SOX5: variants seen among roughly 807,000 people sequenced by gnomAD.
SOX5 encodes transcription factor SOX-5.
Under a neutral mutation model 92.0 loss-of-function variants are expected in SOX5, and 9 were observed. The ratio of observed to expected loss-of-function variants is 0.10; its 90% CI spans 0.06 to 0.17. The LOEUF (loss-of-function observed/expected upper bound fraction) is 0.17, where lower values mean the gene tolerates loss of function less well. SOX5 is among the 10% of genes least tolerant of loss of function. The probability of loss-of-function intolerance (pLI) is 1.00; values close to 1 mark genes in which losing one functional copy is unlikely to be tolerated. For synonymous variants in SOX5, 344 were observed against 336.3 expected (o/e 1.02, Z -0.25); for missense variants, 642 against 944.5 (o/e 0.68, Z 4.20).
At chr12:24,228,940 T>C (rs1297882686) in intron 3 of SOX5, among the ~76,000 whole-genome samples, 1 of 152,184 alleles carries the variant, frequency 6.6e-6, no homozygotes, top group Admixed American at 6.5e-5. Context: ...AAATTAATGG[T>C]TAATCGAGCC....
chr12:23,950,977 GCACACACACA>G (rs35800209), upstream of SOX5: 46 of 619,862 alleles, frequency 7.4e-5, no homozygotes, highest in South Asian at 4.2e-4. Context: ...ACACACGCAT[GCACACACACA>G]CACACACACA....
intron 2 of SOX5, among the ~76,000 whole-genome samples, chr12:24,307,790 AGGAG>A (rs1565874794): frequency 7.0e-6 from 1 of 143,196 alleles, no homozygotes. Context: ...GAAGGAAGGA[AGGAG>A]GGAGGGAAGG....
chr12:24,345,724 T>C (rs1953151936), intron 2 of SOX5, among the ~76,000 whole-genome samples: 1 of 152,130 alleles, frequency 6.6e-6, no homozygotes, highest in Non-Finnish European at 1.5e-5. Flanking sequence ...TCTAAAATAC[T>C]ATTTTCTTCC....
intron 4 of SOX5, among the ~76,000 whole-genome samples, chr12:23,967,342 TTAAAAAA>T (rs1947709517): frequency 6.6e-6 from 1 of 151,992 alleles, no homozygotes; most frequent in African/African-American, 2.4e-5. Context: ...AACTGGTATT[TTAAAAAA>T]GTATATTAAA....
At chr12:23,961,915 G>T (rs1280475149) in intron 4 of SOX5, among the ~76,000 whole-genome samples, 1 of 152,152 alleles carries the variant, frequency 6.6e-6, no homozygotes, top group African/African-American at 2.4e-5. Flanking sequence ...TCAAAGAAGA[G>T]AGATTAAAAC....
chr12:24,394,553 T>C (rs892169256), intron 1 of SOX5, among the ~76,000 whole-genome samples: 4 of 152,206 alleles, frequency 2.6e-5, no homozygotes, highest in Non-Finnish European at 4.4e-5. Flanking sequence ...GATGTGGTGA[T>C]TTCCACCTCT....
chr12:23,537,735 A>T (rs1043885717), intron 13 of SOX5, among the ~76,000 whole-genome samples: 2 of 152,200 alleles, frequency 1.3e-5, no homozygotes, highest in African/African-American at 4.8e-5. Context: ...TATGGTTTAA[A>T]ACTTGGATTC....
In SOX5 at chr12:23,780,595, C is replaced by T. The variant is rs184097787; in HGVS notation, c.482-24871G>A. ...GAATGAGGGAGAATTTATTTTAAAC[C>T]AGTAGATTTAGAACAAGAGTACAAA... On this transcript the variant is annotated intron_variant, in intron 3 of 14. Coordinates refer to ENST00000451604, the MANE Select transcript of SOX5 (RefSeq NM_006940.6). Among the ~76,000 whole-genome samples the T allele has an allele frequency of 2.0e-5, 3 of 151,738 alleles. No homozygotes were observed. The South Asian group carries it at 6.2e-4, about 32-fold the overall frequency.
chr12:24,278,522 G>C (rs370058781), intron 2 of SOX5, among the ~76,000 whole-genome samples: 5 of 152,196 alleles, frequency 3.3e-5, no homozygotes, highest in East Asian at 1.9e-4. Flanking sequence ...AGACTAGCAT[G>C]GGCAACACTG....
intron 4 of SOX5, among the ~76,000 whole-genome samples, chr12:24,141,677 T>C (rs189348574): frequency 2.0e-5 from 3 of 151,812 alleles, no homozygotes; most frequent in Non-Finnish European, 4.4e-5. Flanking sequence ...AATGAAAAGA[T>C]TTCCCTCTCA....
intron 3 of SOX5, among the ~76,000 whole-genome samples, chr12:23,786,344 T>A (rs1238315952): frequency 1.3e-5 from 2 of 151,980 alleles, no homozygotes; most frequent in African/African-American, 4.8e-5. Flanking sequence ...AAGTCCTTGT[T>A]TTAAACATAC....
At chr12:24,336,573 G>C (rs903379050) in intron 2 of SOX5, among the ~76,000 whole-genome samples, 1 of 152,174 alleles carries the variant, frequency 6.6e-6, no homozygotes, top group African/African-American at 2.4e-5. Flanking sequence ...ATATCATTCA[G>C]GTGCAACTGA....
chr12:23,728,941 C>T (rs75083181), intron 6 of SOX5, among the ~76,000 whole-genome samples: 6 of 152,104 alleles, frequency 3.9e-5, no homozygotes, highest in Non-Finnish European at 7.4e-5. Flanking sequence ...CTAAATAAAG[C>T]CTTTCTAAAA....
chr12:24,146,650 A>C (rs1442771868), intron 4 of SOX5, among the ~76,000 whole-genome samples: 1 of 151,970 alleles, frequency 6.6e-6, no homozygotes, highest in Non-Finnish European at 1.5e-5. Context: ...AAATTAAAAA[A>C]TCAATAGAGA....
intron 2 of SOX5, among the ~76,000 whole-genome samples, chr12:24,327,593 T>C (rs1341979741): frequency 2.6e-5 from 4 of 151,568 alleles, no homozygotes; most frequent in Non-Finnish European, 5.9e-5. Flanking sequence ...TTTTTATTTT[T>C]ATTTTTTTTA....
intron 7 of SOX5, among the ~76,000 whole-genome samples, chr12:23,656,014 A>G (rs1566755892): frequency 6.6e-6 from 1 of 152,102 alleles, no homozygotes; most frequent in Non-Finnish European, 1.5e-5. Context: ...GCATATACTC[A>G]TCCCATCCAC....
At chr12:23,707,819 TA>T (rs2091590150) in intron 6 of SOX5, among the ~76,000 whole-genome samples, 1 of 152,226 alleles carries the variant, frequency 6.6e-6, no homozygotes, top group Non-Finnish European at 1.5e-5. Context: ...ACATTTTCAT[TA>T]AAACAATCTG....
rs202121277 is a variant in SOX5, at chr12:24,556,872, A to AT, written c.-251+5456dup. On this transcript the variant is annotated intron_variant, in intron 1 of 4. Transcript: ENST00000446891. ...GATCTCAGCCTCAAGAAAGTGATACATTTTTTCTTTTTAGACTCAAATAAG... is the reference window on the plus strand; with the variant it reads ...GATCTCAGCCTCAAGAAAGTGATACATTTTTTTCTTTTTAGACTCAAATAAG... 9.8e-3 allele frequency among the ~76,000 whole-genome samples: 1,495 copies of AT among 151,996 alleles called. 20 individuals carry two copies. Among genetic ancestry groups the AT allele is most frequent in the Middle Eastern group, 0.048 (14 of 294 alleles).
At chr12:23,815,385 G>A (rs1432383079) in intron 3 of SOX5, among the ~76,000 whole-genome samples, 5 of 152,038 alleles carry the variant, frequency 3.3e-5, no homozygotes, top group East Asian at 1.9e-4. Context: ...CTTCTATTCC[G>A]ATGTACCAAC....
Sources: gnomAD v4.1 joint callset for allele counts (sites outside exome capture counted in the v4.1 genomes callset) on GRCh38, gnomAD v4.1.1 for gene constraint, MANE v1.5 for transcripts, NCBI Gene and HGNC (gene_info 2026-07-23, HGNC 2026-07-21) for gene names.